RGS17: variants seen among roughly 807,000 people sequenced by gnomAD.
RGS17 encodes the protein regulator of G-protein signaling 17.
In RGS17, 12 loss-of-function variants were observed where a neutral mutation model predicts 25.5. The observed-to-expected ratio is 0.47, with a 90% confidence interval of 0.30 to 0.76. RGS17 has a LOEUF of 0.76. Ranked by LOEUF, RGS17 falls within the 30% of genes least tolerant of loss-of-function variation. RGS17 has a pLI of 0.07. For synonymous variants in RGS17, 71 were observed against 76.9 expected (o/e 0.92, Z 0.40); for missense variants, 196 against 242.2 (o/e 0.81, Z 1.27).
intron 2 of RGS17, among the ~76,000 whole-genome samples, chr6:153,037,457 TC>T (rs1776263530): frequency 6.6e-6 from 1 of 150,470 alleles, no homozygotes; most frequent in South Asian, 2.1e-4. Flanking sequence ...AGACAGAGTC[TC>T]TCTGTTGCCC....
chr6:153,061,457 A>G (rs969767879), intron 1 of RGS17, among the ~76,000 whole-genome samples: 1 of 152,238 alleles, frequency 6.6e-6, no homozygotes, highest in Admixed American at 6.5e-5. Flanking sequence ...CAATATTTCA[A>G]TACACGTAAA....
intron 2 of RGS17, among the ~76,000 whole-genome samples, chr6:153,035,366 C>T (rs73010406): frequency 0.079 from 11,787 of 149,084 alleles, 625 homozygotes; most frequent in African/African-American, 0.14. Flanking sequence ...TTCATTTTCA[C>T]AAAAAGTGAA....
chr6:153,076,897 A>T (rs1776888281), intron 1 of RGS17, among the ~76,000 whole-genome samples: 1 of 152,210 alleles, frequency 6.6e-6, no homozygotes, highest in Admixed American at 6.5e-5. Flanking sequence ...TTACCAATGG[A>T]TTCTGAAACT....
intron 1 of RGS17, among the ~76,000 whole-genome samples, chr6:153,091,834 T>C (rs577605563): frequency 2.6e-5 from 4 of 152,290 alleles, no homozygotes; most frequent in Admixed American, 6.5e-5. Context: ...AAGATTGTAA[T>C]AAAAGTACTT....
intron 1 of RGS17, among the ~76,000 whole-genome samples, chr6:153,100,539 GAAAAAGA>G (rs990831511): frequency 1.5e-4 from 6 of 39,002 alleles, no homozygotes; most frequent in African/African-American, 1.3e-3. Context: ...CACCTAAAAA[GAAAAAGA>G]AAAAAAAGGA....
intron 1 of RGS17, among the ~76,000 whole-genome samples, chr6:153,070,673 T>TTTTGTGTG (rs772182884): frequency 1.4e-5 from 2 of 144,982 alleles, no homozygotes; most frequent in African/African-American, 5.2e-5. Flanking sequence ...ACATGGAAGA[T>TTTTGTGTG]TGTGTGTGTG....
intron 1 of RGS17, among the ~76,000 whole-genome samples, chr6:153,120,467 C>T (rs1777610281): frequency 6.6e-6 from 1 of 152,172 alleles, no homozygotes; most frequent in Admixed American, 6.5e-5. Flanking sequence ...CATTTTCTCA[C>T]ATCATCATCT....
Position 153,006,232 on chromosome 6 carries a change from T to C in RGS17, c.*5342A>G, listed in dbSNP as rs1779072866. 6.6e-6 allele frequency: 1 copy of C among 152,184 alleles called. No individual in the cohort carries two copies. Among genetic ancestry groups the C allele is most frequent in the African/African-American group, 2.4e-5 (1 of 41,436 alleles). The allele number at this position is 152,184 out of a possible 1,614,324, so 9.4% of individuals were successfully genotyped here. On this transcript the variant is annotated 3_prime_UTR_variant, in exon 5 of 5. Coordinates refer to ENST00000206262, the MANE Select transcript of RGS17 (RefSeq NM_012419.5). ...TACCACCTTAATATTAAAAAGAGTG[T>C]TTTCTAATTGTCAATCTCTTATAAC...
intron 4 of RGS17, among the ~76,000 whole-genome samples, chr6:153,015,802 C>G (rs369825862): frequency 6.6e-6 from 1 of 151,966 alleles, no homozygotes; most frequent in Non-Finnish European, 1.5e-5. Flanking sequence ...TACAGGCGCC[C>G]GCCACCACGC....
chr6:153,072,670 T>G (rs1776822211), intron 1 of RGS17, among the ~76,000 whole-genome samples: 1 of 152,192 alleles, frequency 6.6e-6, no homozygotes, highest in Admixed American at 6.5e-5. Context: ...GCTCAAGAAG[T>G]TATCACAGCT....
intron 2 of RGS17, among the ~76,000 whole-genome samples, chr6:153,038,252 T>A (rs768493265): frequency 9.2e-5 from 14 of 152,208 alleles, no homozygotes; most frequent in Non-Finnish European, 1.8e-4. Flanking sequence ...GACTCTGGAC[T>A]TCTTCACCAG....
At chr6:153,049,063 A>C (rs971127063) in intron 1 of RGS17, among the ~76,000 whole-genome samples, 5 of 152,206 alleles carry the variant, frequency 3.3e-5, no homozygotes, top group Admixed American at 1.3e-4. Context: ...TTAATTTTGC[A>C]GCCAATGCAA....
At chr6:153,075,975 G>A (rs1776872103) in intron 1 of RGS17, among the ~76,000 whole-genome samples, 1 of 152,168 alleles carries the variant, frequency 6.6e-6, no homozygotes, top group Admixed American at 6.5e-5. Flanking sequence ...TGGAAATAGG[G>A]ACAGTTAGAA....
chr6:153,023,968 T>C (rs921650198), intron 4 of RGS17, among the ~76,000 whole-genome samples: 7 of 152,206 alleles, frequency 4.6e-5, no homozygotes, highest in Non-Finnish European at 1.5e-5. Context: ...ACATTCTCTC[T>C]TTCCATTTTC....
At chr6:153,062,685 C>CCTCT (rs1294973822) in intron 1 of RGS17, among the ~76,000 whole-genome samples, 2 of 152,108 alleles carry the variant, frequency 1.3e-5, no homozygotes, top group African/African-American at 4.8e-5. Context: ...CTGTTATTCC[C>CCTCT]CTCTTCTAAC....
In RGS17 at chr6:153,130,728, C is replaced by T. The variant is rs986992309; in HGVS notation, c.-26+396G>A. Among the ~76,000 whole-genome samples, 16 of 152,140 alleles carry T rather than the reference C, an allele frequency of 1.1e-4. No homozygotes were observed. The highest frequency in any genetic ancestry group is 3.6e-4 in the African/African-American group (15 of 41,450). Reference sequence around the variant, plus strand: ...GCAACACCTCGCGTCCCCGCGGGGTCTCCCGCGCCCCTGGCCCGGCCCTCC... The same window carrying T: ...GCAACACCTCGCGTCCCCGCGGGGTTTCCCGCGCCCCTGGCCCGGCCCTCC... On this transcript the variant is annotated intron_variant, in intron 1 of 4. Coordinates refer to ENST00000206262, the MANE Select transcript of RGS17 (RefSeq NM_012419.5). This position sits in a 1 kb window ranked among gnomAD's most constrained non-coding sequence, Gnocchi z 6.4.
intron 1 of RGS17, among the ~76,000 whole-genome samples, chr6:153,096,925 T>C (rs1777221876): frequency 6.6e-6 from 1 of 152,184 alleles, no homozygotes. Context: ...CCAGGGCCTC[T>C]TCCTCTAAAT....
chr6:153,105,916 C>T (rs967970830), intron 1 of RGS17, among the ~76,000 whole-genome samples: 6 of 152,122 alleles, frequency 3.9e-5, no homozygotes, highest in Non-Finnish European at 8.8e-5. Context: ...TCAGGAGTCT[C>T]ATGTGAACAC....
intron 2 of RGS17, among the ~76,000 whole-genome samples, chr6:153,035,489 A>G (rs1776227575): frequency 1.3e-5 from 2 of 152,232 alleles, no homozygotes; most frequent in African/African-American, 2.4e-5. Context: ...ACAGTAGGTT[A>G]GGCCCATAAG....
Sources: gnomAD v4.1 joint callset for allele counts (sites outside exome capture counted in the v4.1 genomes callset) on GRCh38, gnomAD v4.1.1 for gene constraint, Gnocchi (gnomAD v3.1) non-coding constraint, MANE v1.5 for transcripts, NCBI Gene and HGNC (gene_info 2026-07-23, HGNC 2026-07-21) for gene names.